Variants in MBD5 observed in about 807,000 individuals in gnomAD.
MBD5 encodes methyl-CpG binding domain protein 5.
A neutral mutation model predicts 117.3 loss-of-function variants in MBD5; 13 were observed. The ratio of observed to expected loss-of-function variants is 0.11; its 90% CI spans 0.07 to 0.18. MBD5 has a LOEUF of 0.18. Ranked by LOEUF, MBD5 falls within the 10% of genes least tolerant of loss-of-function variation. MBD5 has a pLI of 1.00. For missense variants in MBD5, 1,879 were observed against 2,093.8 expected (o/e 0.90, Z 2.00); for synonymous variants, 727 against 766.4 (o/e 0.95, Z 0.85).
At chr2:148,232,387 T>C (rs918463356) in intron 2 of MBD5, among the ~76,000 whole-genome samples, 2 of 152,194 alleles carry the variant, frequency 1.3e-5, no homozygotes, top group Admixed American at 6.5e-5. Context: ...AGTAGAGTAG[T>C]AGATGGTTGC....
At chr2:148,485,987 A>G in intron 10 of MBD5, 37 bp downstream of exon 10, 2 of 1,593,678 alleles carry the variant, frequency 1.3e-6, no homozygotes, top group Non-Finnish European at 1.7e-6. Flanking sequence ...GAAGAAAACA[A>G]TGTCTGAGTT....
intron 1 of MBD5, among the ~76,000 whole-genome samples, chr2:148,146,562 T>C (rs1697471220): frequency 6.6e-6 from 1 of 152,050 alleles, no homozygotes; most frequent in African/African-American, 2.4e-5. Context: ...GACATTTTAG[T>C]TTGATGTGTT....
intron 4 of MBD5, among the ~76,000 whole-genome samples, chr2:148,426,368 A>T (rs1705786216): frequency 6.6e-6 from 1 of 152,118 alleles, no homozygotes; most frequent in African/African-American, 2.4e-5. Context: ...AAAAGAACAA[A>T]GCTGGAGGCA....
At chr2:148,424,627 A>G (rs1354298848) in intron 4 of MBD5, among the ~76,000 whole-genome samples, 1 of 152,108 alleles carries the variant, frequency 6.6e-6, no homozygotes, top group Non-Finnish European at 1.5e-5. Flanking sequence ...TAACCACATA[A>G]TTGGAAGTAA....
At position 148,362,456 on chromosome 2, in the gene MBD5, G is replaced by A. The variant is rs1703568627; in HGVS notation, c.-557+20120G>A. 3.3e-5 allele frequency among the ~76,000 whole-genome samples: 5 copies of A among 152,158 alleles called. No homozygotes were observed. The South Asian group carries it at 1.0e-3, about 32-fold the overall frequency. On this transcript the variant is annotated intron_variant, in intron 4 of 13. Transcript: ENST00000642680. The stretch of plus-strand genomic sequence containing the variant: ...TCTAGATCCCTCCTCTGTTGGCAGG[G>A]CATCTCTAAAAGAAAGGCAGCATCC...
chr2:148,118,126 A>G (rs962366103), intron 1 of MBD5, among the ~76,000 whole-genome samples: 26 of 152,288 alleles, frequency 1.7e-4, no homozygotes, highest in East Asian at 7.7e-4. Flanking sequence ...CCAAGCTCAT[A>G]GTTGGTAAGT....
At chr2:148,243,153 A>G (rs2106202988) in intron 3 of MBD5, among the ~76,000 whole-genome samples, 1 of 152,260 alleles carries the variant, frequency 6.6e-6, no homozygotes, top group East Asian at 1.9e-4. Flanking sequence ...CTGCTCAGTA[A>G]CATCTGAGAT....
At chr2:148,488,586 A>G (rs190045218) in intron 10 of MBD5, among the ~76,000 whole-genome samples, 2 of 145,010 alleles carry the variant, frequency 1.4e-5, no homozygotes, top group Non-Finnish European at 3.0e-5. Context: ...GAGAGAGATC[A>G]TTGTGGAAAA....
chr2:148,050,025 G>A (rs1166037251), intron 1 of MBD5, among the ~76,000 whole-genome samples: 2 of 152,116 alleles, frequency 1.3e-5, no homozygotes, highest in Non-Finnish European at 2.9e-5. Context: ...AAACATTTGT[G>A]TACAAGTTTT....
chr2:148,430,841 T>C (rs1705962631), intron 4 of MBD5, among the ~76,000 whole-genome samples: 1 of 152,142 alleles, frequency 6.6e-6, no homozygotes, highest in Non-Finnish European at 1.5e-5. Flanking sequence ...ATTACTTTTG[T>C]AACAGCAAGA....
intron 3 of MBD5, among the ~76,000 whole-genome samples, chr2:148,286,050 G>A (rs1473465298): frequency 6.6e-6 from 1 of 151,940 alleles, no homozygotes; most frequent in Admixed American, 6.6e-5. Context: ...TATCCATATA[G>A]TATTTAGCAA....
At chr2:148,258,272 AAC>A (rs1191127957) in intron 3 of MBD5, among the ~76,000 whole-genome samples, 1 of 152,192 alleles carries the variant, frequency 6.6e-6, no homozygotes, top group East Asian at 1.9e-4. Flanking sequence ...GTATGGGAGA[AAC>A]ACACACAGTA....
intron 1 of MBD5, among the ~76,000 whole-genome samples, chr2:148,056,553 AGAT>A (rs201694909): frequency 3.5e-3 from 530 of 152,170 alleles, no homozygotes; most frequent in East Asian, 8.3e-3. Flanking sequence ...GTGTTTATTG[AGAT>A]GATAACTGTA....
intron 1 of MBD5, among the ~76,000 whole-genome samples, chr2:148,044,048 G>A (rs964373010): frequency 1.3e-5 from 2 of 152,126 alleles, no homozygotes; most frequent in East Asian, 1.9e-4. Context: ...TCAGATGTAC[G>A]TAGTGATATG....
intron 3 of MBD5, among the ~76,000 whole-genome samples, chr2:148,327,166 G>A (rs934046159): frequency 5.3e-5 from 8 of 152,028 alleles, no homozygotes; most frequent in Admixed American, 5.2e-4. Context: ...ATATTGGCCT[G>A]AACTCTCTTC....
intron 4 of MBD5, among the ~76,000 whole-genome samples, chr2:148,454,883 T>C (rs1291763981): frequency 1.3e-5 from 2 of 152,154 alleles, no homozygotes; most frequent in Non-Finnish European, 2.9e-5. Flanking sequence ...TTTTTTTGTT[T>C]CTGTGAAGAA....
intron 3 of MBD5, among the ~76,000 whole-genome samples, chr2:148,305,105 G>C (rs1177766469): frequency 1.3e-5 from 2 of 152,012 alleles, no homozygotes; most frequent in Non-Finnish European, 2.9e-5. Context: ...CAGGCCATTT[G>C]ATCAGATATC....
At chr2:148,064,172 C>G (rs1039193778) in intron 1 of MBD5, among the ~76,000 whole-genome samples, 1 of 139,160 alleles carries the variant, frequency 7.2e-6, no homozygotes, top group African/African-American at 2.7e-5. Context: ...GTCGCCCAGG[C>G]TGGAGTGCAG....
intron 1 of MBD5, among the ~76,000 whole-genome samples, chr2:148,073,210 A>T (rs1695407668): frequency 6.6e-6 from 1 of 152,156 alleles, no homozygotes; most frequent in South Asian, 2.1e-4. Flanking sequence ...TACTGTGGTG[A>T]TGAAGTCAAT....
Sources: gnomAD v4.1 joint callset for allele counts (sites outside exome capture counted in the v4.1 genomes callset) on GRCh38, gnomAD v4.1.1 for gene constraint, MANE v1.5 for transcripts, NCBI Gene and HGNC (gene_info 2026-07-23, HGNC 2026-07-21) for gene names.